Variants in TAS2R1 observed in about 807,000 individuals in gnomAD.
The protein encoded by TAS2R1 is taste receptor type 2 member 1.
For missense variants in TAS2R1, 370 were observed against 353.4 expected, an observed-to-expected ratio of 1.05 and a Z score of -0.38; for synonymous variants, 141 against 134.2, an observed-to-expected ratio of 1.05 and a Z score of -0.35.
chr5:9,658,608 T>C (rs1016917941), intron 2 of TAS2R1: 2 of 152,196 alleles, frequency 1.3e-5, no homozygotes, highest in Non-Finnish European at 2.9e-5. Flanking sequence ...ACCCCAGTTA[T>C]GTTCTGGAAT....
the TAS2R1 span, among the ~76,000 whole-genome samples, chr5:9,722,699 C>G: frequency 6.6e-6 from 1 of 152,212 alleles, no homozygotes; most frequent in Admixed American, 6.5e-5. Context: ...CATTACTGAT[C>G]CCTCACACAG....
the TAS2R1 span, among the ~76,000 whole-genome samples, chr5:9,824,380 A>G: frequency 1.3e-5 from 2 of 152,346 alleles, no homozygotes; most frequent in East Asian, 1.9e-4. Flanking sequence ...CAGCAGCCAG[A>G]TGGTGTTCTG....
intron 2 of TAS2R1, among the ~76,000 whole-genome samples, chr5:9,646,838 C>G (rs1740198396): frequency 6.6e-6 from 1 of 152,100 alleles, no homozygotes; most frequent in Non-Finnish European, 1.5e-5. Flanking sequence ...CAGGAATAGA[C>G]ATAAATGTGT....
the TAS2R1 span, among the ~76,000 whole-genome samples, chr5:9,855,007 G>A: frequency 6.6e-6 from 1 of 152,180 alleles, no homozygotes; most frequent in African/African-American, 2.4e-5. Flanking sequence ...TGTTTCGAGA[G>A]CCCCCAGCTA....
the TAS2R1 span, among the ~76,000 whole-genome samples, chr5:9,725,720 G>T: frequency 1.3e-5 from 2 of 152,216 alleles, no homozygotes; most frequent in African/African-American, 4.8e-5. Flanking sequence ...GCAGGCACAC[G>T]GCACGGGACT....
intron 1 of TAS2R1, among the ~76,000 whole-genome samples, chr5:9,673,352 A>T (rs1740807077): frequency 6.6e-6 from 1 of 152,196 alleles, no homozygotes; most frequent in Non-Finnish European, 1.5e-5. Flanking sequence ...TATGATCATA[A>T]TTTAAATATA....
the TAS2R1 span, among the ~76,000 whole-genome samples, chr5:9,768,503 C>T: frequency 5.3e-5 from 8 of 152,158 alleles, no homozygotes; most frequent in Non-Finnish European, 1.2e-4. Flanking sequence ...CTTGGTCACC[C>T]CATGGCCTCC....
At chr5:9,738,893 T>C in the TAS2R1 span, among the ~76,000 whole-genome samples, 1 of 152,282 alleles carries the variant, frequency 6.6e-6, no homozygotes, top group Non-Finnish European at 1.5e-5. Flanking sequence ...ATTTAATTTT[T>C]TTCTCACACT....
chr5:9,755,587 CAAAAAAA>C, the TAS2R1 span, among the ~76,000 whole-genome samples: 87 of 94,870 alleles, frequency 9.2e-4, no homozygotes, highest in Non-Finnish European at 1.5e-3. Context: ...ACTCCATCTC[CAAAAAAA>C]AAAAAAAAAA....
rs572318502 is a variant in TAS2R1, at chr5:9,677,591, T to C, written c.-241-18010A>G. ...GTGAAAAGATAATCAGCATCATACA[T>C]GATTATGAAAATCCAAATTAAAACA... On this transcript the variant is annotated intron_variant, in intron 1 of 2. Coordinates refer to the TAS2R1 transcript ENST00000506620. Among the ~76,000 whole-genome samples the C allele has an allele frequency of 1.1e-3, 173 of 152,288 alleles. 2 individuals are homozygous for C. Among genetic ancestry groups the C allele is most frequent in the African/African-American group, 3.8e-3 (160 of 41,570 alleles).
the TAS2R1 span, among the ~76,000 whole-genome samples, chr5:9,854,979 T>C: frequency 2.0e-5 from 3 of 152,362 alleles, no homozygotes; most frequent in South Asian, 4.1e-4. Flanking sequence ...AGTTTATTCA[T>C]TCCATTCAAA....
the TAS2R1 span, among the ~76,000 whole-genome samples, chr5:9,741,040 A>C: frequency 1.3e-5 from 2 of 152,230 alleles, no homozygotes; most frequent in African/African-American, 4.8e-5. Flanking sequence ...CGCTCATTAA[A>C]TACTGAACAG....
chr5:9,774,187 T>G, the TAS2R1 span, among the ~76,000 whole-genome samples: 5 of 152,228 alleles, frequency 3.3e-5, no homozygotes, highest in African/African-American at 1.2e-4. Flanking sequence ...TTTCTTCCAT[T>G]TGATCAAGTC....
the TAS2R1 span, among the ~76,000 whole-genome samples, chr5:9,798,974 A>G: frequency 4.1e-4 from 62 of 152,250 alleles, no homozygotes; most frequent in African/African-American, 1.4e-3. Flanking sequence ...ATACACACCC[A>G]AAGAGGTTCC....
the TAS2R1 span, among the ~76,000 whole-genome samples, chr5:9,804,899 G>C: frequency 6.6e-6 from 1 of 151,702 alleles, no homozygotes; most frequent in Non-Finnish European, 1.5e-5. Context: ...AGATCGAGCA[G>C]AACTAAATGA....
chr5:9,829,236 A>C, the TAS2R1 span, among the ~76,000 whole-genome samples: 1 of 152,224 alleles, frequency 6.6e-6, no homozygotes, highest in African/African-American at 2.4e-5. Context: ...AAAAATTTTG[A>C]ATAATAAAGG....
At chr5:9,654,039 C>T (rs756185677) in intron 2 of TAS2R1, among the ~76,000 whole-genome samples, 2 of 152,006 alleles carry the variant, frequency 1.3e-5, no homozygotes, top group Admixed American at 6.6e-5. Flanking sequence ...GCTCTGGTGG[C>T]GTGCCATGAG....
the TAS2R1 span, among the ~76,000 whole-genome samples, chr5:9,880,533 A>C: frequency 6.6e-6 from 1 of 152,198 alleles, no homozygotes; most frequent in Non-Finnish European, 1.5e-5. Flanking sequence ...AATAATTCTT[A>C]GTTATAGAGG....
the TAS2R1 span, among the ~76,000 whole-genome samples, chr5:9,863,978 G>A: frequency 6.6e-6 from 1 of 152,194 alleles, no homozygotes; most frequent in African/African-American, 2.4e-5. Flanking sequence ...GTGAAAGCTA[G>A]ATTAGAAAAT....
Sources: gnomAD v4.1 joint callset for allele counts (sites outside exome capture counted in the v4.1 genomes callset) on GRCh38, gnomAD v4.1.1 for gene constraint, MANE v1.5 for transcripts, NCBI Gene and HGNC (gene_info 2026-07-23, HGNC 2026-07-21) for gene names.